VTI1A: variants seen among roughly 807,000 people sequenced by gnomAD.
VTI1A encodes vesicle transport through interaction with t-SNAREs 1A.
Under a neutral mutation model 34.9 loss-of-function variants are expected in VTI1A, and 22 were observed. The observed-to-expected ratio is 0.63, with a 90% CI of 0.45 to 0.90. The LOEUF is 0.90. VTI1A is among the 40% of genes least tolerant of loss of function. VTI1A has a pLI of 0.00. For missense variants in VTI1A, 268 were observed against 275.6 expected, an observed-to-expected ratio of 0.97 and a Z score of 0.20; for synonymous variants, 87 against 97.3, an observed-to-expected ratio of 0.89 and a Z score of 0.62.
chr10:112,630,869 C>T (rs1365827297), intron 5 of VTI1A, among the ~76,000 whole-genome samples: 1 of 152,126 alleles, frequency 6.6e-6, no homozygotes, highest in Non-Finnish European at 1.5e-5. Flanking sequence ...TGCCTGTAAT[C>T]CCAGCACTTT....
At chr10:112,500,163 G>A (rs1485432285) in intron 3 of VTI1A, among the ~76,000 whole-genome samples, 2 of 152,170 alleles carry the variant, frequency 1.3e-5, no homozygotes, top group Non-Finnish European at 2.9e-5. Flanking sequence ...AAGGCCGGGT[G>A]TGGTGACTCA....
At chr10:112,837,422 G>A in the VTI1A span, among the ~76,000 whole-genome samples, 2 of 152,206 alleles carry the variant, frequency 1.3e-5, no homozygotes, top group Non-Finnish European at 2.9e-5. Context: ...TGAAGGCCAT[G>A]ACCCCTGCTT....
chr10:112,527,117 G>A lies in VTI1A; in HGVS notation c.295G>A (p.Val99Ile). The A allele has an allele frequency of 6.2e-7, 1 of 1,613,416 alleles. No homozygotes were observed. The highest frequency in any genetic ancestry group is 8.5e-7 in the Non-Finnish European group (1 of 1,179,660). The change falls in exon 4 of 8, where the codon GTA becomes ATA. Residue 99 changes from valine to isoleucine, a missense_variant. Coordinates refer to ENST00000393077, the MANE Select transcript of VTI1A (RefSeq NM_145206.4). ...GTCACGGATCGCCTACAGTGACGAA[G>A]TACGGAATGAGCTCCTGGGGGATGA... Reference protein sequence around the residue: ...KRSRIAYSDEVRNELLGDDGN... With the variant: ...KRSRIAYSDEIRNELLGDDGN...
At chr10:112,802,175 G>T (rs951564607) in intron 7 of VTI1A, among the ~76,000 whole-genome samples, 1 of 152,206 alleles carries the variant, frequency 6.6e-6, no homozygotes, top group African/African-American at 2.4e-5. Context: ...AGCCCAGGAG[G>T]TTGAGGCTGT....
intron 7 of VTI1A, among the ~76,000 whole-genome samples, chr10:112,706,005 A>G (rs1202352820): frequency 3.3e-5 from 5 of 152,182 alleles, no homozygotes; most frequent in Admixed American, 2.0e-4. Context: ...ACATTCATCA[A>G]TCTTCCATCT....
chr10:112,666,191 A>G (rs1277474741), intron 5 of VTI1A, among the ~76,000 whole-genome samples: 2 of 152,172 alleles, frequency 1.3e-5, no homozygotes, highest in African/African-American at 2.4e-5. Context: ...TAGGAGCCAC[A>G]TATCTTACCC....
At chr10:112,569,910 GTGCTTTGAAACTT>G (rs1424104274) in intron 5 of VTI1A, among the ~76,000 whole-genome samples, 1 of 152,180 alleles carries the variant, frequency 6.6e-6, no homozygotes, top group Non-Finnish European at 1.5e-5. Flanking sequence ...AGAAGAACCT[GTGCTTTGAAACTT>G]TACATGCCTA....
chr10:112,487,939 G>A (rs571259722), intron 3 of VTI1A, among the ~76,000 whole-genome samples: 1 of 152,182 alleles, frequency 6.6e-6, no homozygotes, highest in South Asian at 2.1e-4. Flanking sequence ...TAATTAATAG[G>A]TACATTTTCT....
chr10:112,720,213 C>T (rs970328532), intron 7 of VTI1A, among the ~76,000 whole-genome samples: 5 of 152,208 alleles, frequency 3.3e-5, no homozygotes, highest in Admixed American at 1.3e-4. Context: ...TTTCATTTCT[C>T]CTTGCTGCCT....
At chr10:112,618,701 A>G (rs1267418712) in intron 5 of VTI1A, among the ~76,000 whole-genome samples, 2 of 151,948 alleles carry the variant, frequency 1.3e-5, no homozygotes, top group East Asian at 3.9e-4. Flanking sequence ...CATGCATACC[A>G]TAGATAGGGA....
intron 5 of VTI1A, among the ~76,000 whole-genome samples, chr10:112,595,510 AC>A (rs1844596850): frequency 1.3e-5 from 2 of 152,342 alleles, no homozygotes; most frequent in East Asian, 3.9e-4. Flanking sequence ...AAGGACATGA[AC>A]GACACTTCTC....
chr10:112,662,235 T>C (rs1847487279), intron 5 of VTI1A, among the ~76,000 whole-genome samples: 1 of 152,254 alleles, frequency 6.6e-6, no homozygotes, highest in Admixed American at 6.5e-5. Flanking sequence ...GTTCTTCAGA[T>C]ATTTATTCAT....
At chr10:112,654,184 C>T (rs188067876) in intron 5 of VTI1A, among the ~76,000 whole-genome samples, 42 of 152,294 alleles carry the variant, frequency 2.8e-4, no homozygotes, top group African/African-American at 8.7e-4. Context: ...TCTAGGGTCA[C>T]GCTAATACTT....
intron 4 of VTI1A, among the ~76,000 whole-genome samples, chr10:112,531,106 TGCGCACGTGC>T (rs1850419514): frequency 4.2e-5 from 2 of 47,722 alleles, no homozygotes; most frequent in Admixed American, 1.7e-4. Context: ...CACACACACG[TGCGCACGTGC>T]GCGCGCGCGC....
chr10:112,451,066 A>G (rs1847217850), intron 1 of VTI1A, among the ~76,000 whole-genome samples: 1 of 152,208 alleles, frequency 6.6e-6, no homozygotes, highest in African/African-American at 2.4e-5. Flanking sequence ...GAATCCTGTC[A>G]CTTTATGGCT....
intron 5 of VTI1A, among the ~76,000 whole-genome samples, chr10:112,629,478 G>A (rs190668019): frequency 6.6e-6 from 1 of 152,348 alleles, no homozygotes; most frequent in Admixed American, 6.5e-5. Flanking sequence ...TTGGAATTAA[G>A]AAGAAACAGA....
Position 112,705,071 on chromosome 10 carries a change from G to GTT in VTI1A, c.560+36087_560+36088dup, listed in dbSNP as rs11294730. ...CCACCATGCCCGGCTAAGTTTTTAA[G>GTT]TTTTTTTTTTTTTTTAGAAACAGGA... On this transcript the variant is annotated intron_variant, in intron 7 of 7. Coordinates refer to ENST00000393077, the MANE Select transcript of VTI1A (RefSeq NM_145206.4). Among the ~76,000 whole-genome samples the GTT allele has an allele frequency of 2.6e-3, 363 of 140,540 alleles. 2 individuals are homozygous for GTT. The highest frequency in any genetic ancestry group is 8.6e-3 in the African/African-American group (335 of 39,078). The allele number at this position is 140,540 out of a possible 152,430, so 92.2% of individuals were successfully genotyped here.
Position 112,739,986 on chromosome 10 carries a change from A to T in VTI1A, c.560+70988A>T, listed in dbSNP as rs1001337858. Among the ~76,000 whole-genome samples, 8 of 152,260 alleles carry T rather than the reference A, an allele frequency of 5.3e-5. No individual in the cohort carries two copies. In the East Asian group the frequency reaches 1.5e-3, roughly 29 times the overall value. ...GCAATTAAGACTGGGTTTGTTCTCTAAAAGTAAATCATGCAAAGAAAATGC... is the reference window on the plus strand; with the variant it reads ...GCAATTAAGACTGGGTTTGTTCTCTTAAAGTAAATCATGCAAAGAAAATGC... On this transcript the variant is annotated intron_variant, in intron 7 of 7. Coordinates refer to ENST00000393077, the MANE Select transcript of VTI1A (RefSeq NM_145206.4).
At chr10:112,521,752 A>G (rs1026152588) in intron 3 of VTI1A, among the ~76,000 whole-genome samples, 1 of 152,096 alleles carries the variant, frequency 6.6e-6, no homozygotes, top group African/African-American at 2.4e-5. Flanking sequence ...GCCATGTAGT[A>G]TGATACATGT....
Sources: gnomAD v4.1 joint callset for allele counts (sites outside exome capture counted in the v4.1 genomes callset) on GRCh38, gnomAD v4.1.1 for gene constraint, MANE v1.5 for transcripts, NCBI Gene and HGNC (gene_info 2026-07-23, HGNC 2026-07-21) for gene names.